Variants in PDC observed in about 807,000 individuals in gnomAD.
PDC encodes the protein 33 kDa phototransducing protein.
A neutral mutation model predicts 22.2 loss-of-function variants in PDC; 19 were observed. The ratio of observed to expected loss-of-function variants is 0.86; its 90% CI spans 0.60 to 1.26. PDC has a LOEUF of 1.26. Ranked by LOEUF, PDC falls within the 50% of genes most tolerant of loss-of-function variation. PDC has a pLI of 0.00. For synonymous variants in PDC, 97 were observed against 96.2 expected, an observed-to-expected ratio of 1.01 and a Z score of -0.05; for missense variants, 274 against 286.8, an observed-to-expected ratio of 0.96 and a Z score of 0.32.
At chr1:186,459,550 T>C (rs1662537665) in intron 1 of PDC, among the ~76,000 whole-genome samples, 1 of 152,112 alleles carries the variant, frequency 6.6e-6, no homozygotes, top group African/African-American at 2.4e-5. Flanking sequence ...TTCCTGTACA[T>C]ATTGTTTGAA....
At chr1:186,455,427 C>G (rs895582637) in intron 1 of PDC, among the ~76,000 whole-genome samples, 1 of 152,136 alleles carries the variant, frequency 6.6e-6, no homozygotes, top group African/African-American at 2.4e-5. Context: ...CTGACTTTTG[C>G]AAAGAATGAC....
intron 2 of PDC, among the ~76,000 whole-genome samples, chr1:186,447,119 A>G (rs1189772196): frequency 6.6e-6 from 1 of 151,842 alleles, no homozygotes; most frequent in Non-Finnish European, 1.5e-5. Flanking sequence ...TTCTAGGCAT[A>G]TTTTGCAAAC....
At chr1:186,453,233 A>T (rs747525324) in intron 1 of PDC, among the ~76,000 whole-genome samples, 4 of 152,208 alleles carry the variant, frequency 2.6e-5, no homozygotes, top group Admixed American at 6.5e-5. Context: ...TTACCAAGAA[A>T]TAAAATGATT....
intron 1 of PDC, among the ~76,000 whole-genome samples, chr1:186,452,164 A>G (rs185861690): frequency 6.6e-6 from 1 of 152,084 alleles, no homozygotes; most frequent in Non-Finnish European, 1.5e-5. Flanking sequence ...CCTGTCACCA[A>G]CTCACTCTGG....
chr1:186,448,565 T>C (rs6672836), intron 2 of PDC: 85,164 of 283,448 alleles, frequency 0.3, 13,989 homozygotes, highest in African/African-American at 0.48. Context: ...CCCTGTCTCC[T>C]ACTTTCCCTC....
At chr1:186,455,221 A>ACCT (rs1330085365) in intron 1 of PDC, among the ~76,000 whole-genome samples, 1 of 152,126 alleles carries the variant, frequency 6.6e-6, no homozygotes, top group East Asian at 1.9e-4. Flanking sequence ...TCTCACTGTG[A>ACCT]CCTCACATGA....
At chr1:186,455,278 G>T (rs1222168223) in intron 1 of PDC, among the ~76,000 whole-genome samples, 1 of 152,056 alleles carries the variant, frequency 6.6e-6, no homozygotes, top group Non-Finnish European at 1.5e-5. Flanking sequence ...AATTCTATGG[G>T]ATCAGAGCCA....
chr1:186,454,168 CTTTTT>C lies in PDC; in HGVS notation c.-24-4690_-24-4686del, dbSNP rs397860509. Among the ~76,000 whole-genome samples, 524 of 94,214 alleles carry C rather than the reference CTTTTT, an allele frequency of 5.6e-3. 4 individuals carry two copies. Among genetic ancestry groups the C allele is most frequent in the African/African-American group, 0.021 (489 of 22,914 alleles). 61.8% of individuals were successfully genotyped at this position (94,214 alleles called of 152,430 possible). ...GTCTGTTTATTTCTTTCTTTTCTTT[CTTTTT>C]TTTTTTTTTTTTTTTTTTGAGACAG... On this transcript the variant is annotated intron_variant, in intron 1 of 3. Transcript: ENST00000391997.
At chr1:186,446,901 G>C (rs979230025) in intron 2 of PDC, among the ~76,000 whole-genome samples, 1 of 151,736 alleles carries the variant, frequency 6.6e-6, no homozygotes, top group East Asian at 1.9e-4. Context: ...CTAGAATTTT[G>C]GAAAAAATAG....
chr1:186,449,171 C>G lies in PDC; in HGVS notation c.61+228G>C, dbSNP rs115948697. Among the ~76,000 whole-genome samples, 1,514 of 152,028 alleles carry G rather than the reference C, an allele frequency of 1.0e-2. 11 individuals are homozygous for G. Among genetic ancestry groups the G allele is most frequent in the Middle Eastern group, 0.051 (15 of 294 alleles). Reference sequence around the variant, plus strand: ...GTGATAGCTGGGCAGCAAGAAATTACCAGTAATTGGTGTTTTTGTTTTTTT... The same window carrying G: ...GTGATAGCTGGGCAGCAAGAAATTAGCAGTAATTGGTGTTTTTGTTTTTTT... On this transcript the variant is annotated intron_variant, in intron 2 of 3. Transcript: ENST00000391997.
Position 186,444,225 on chromosome 1 carries a change from A to T in PDC, c.495T>A (p.Val165=), listed in dbSNP as rs769156175. The change falls in exon 4 of 4, where the codon GTT becomes GTA. Residue 165 remains valine (V), a synonymous_variant. Transcript: ENST00000391997. ...TCGAAGCTTTTATTTTACAAAACTT[A>T]ACTATAGGGTATTCTGCTGCAAGGC... ...LTCLAAEYPI[V]KFCKIKASNT... The T allele has an allele frequency of 3.1e-6, 5 of 1,613,972 alleles. No homozygotes were observed. The African/African-American group carries it at 6.7e-5, about 22-fold the overall frequency.
chr1:186,452,655 A>G (rs1424229262), intron 1 of PDC, among the ~76,000 whole-genome samples: 1 of 152,258 alleles, frequency 6.6e-6, no homozygotes, highest in African/African-American at 2.4e-5. Flanking sequence ...TGTATGCAAT[A>G]TATCAGTCAT....
At chr1:186,457,154 C>T (rs970479056) in intron 1 of PDC, among the ~76,000 whole-genome samples, 5 of 152,222 alleles carry the variant, frequency 3.3e-5, no homozygotes, top group Non-Finnish European at 7.3e-5. Flanking sequence ...CTAATATGCT[C>T]ACCAATACAG....
chr1:186,458,226 C>A, intron 1 of PDC, among the ~76,000 whole-genome samples: 1 of 88,394 alleles, frequency 1.1e-5, no homozygotes, highest in East Asian at 3.5e-4. Context: ...TACAGATATT[C>A]TTTTTTTTTT....
rs200852224 is a variant in PDC, at chr1:186,458,234, T to C, written c.-25+2825A>G. 8.3e-4 allele frequency among the ~76,000 whole-genome samples: 96 copies of C among 116,136 alleles called. No individual in the cohort carries two copies. In the East Asian group the frequency reaches 8.8e-3, roughly 11 times the overall value. The allele number at this position is 116,136 out of a possible 152,430, so 76.2% of individuals were successfully genotyped here. On this transcript the variant is annotated intron_variant, in intron 1 of 3. Transcript: ENST00000391997. ...TATGACATACAGATATTCTTTTTTT[T>C]TTTTTTTTTTTTTTTTTAGAAAGAA...
intron 1 of PDC, among the ~76,000 whole-genome samples, chr1:186,454,413 G>A (rs1392012712): frequency 1.3e-5 from 2 of 151,826 alleles, no homozygotes; most frequent in African/African-American, 4.8e-5. Flanking sequence ...TCCTGACCTT[G>A]CGATCCACCC....
intron 1 of PDC, among the ~76,000 whole-genome samples, chr1:186,458,245 T>C (rs1662509811): frequency 1.3e-5 from 2 of 149,654 alleles, no homozygotes; most frequent in Admixed American, 1.3e-4. Flanking sequence ...TTTTTTTTTT[T>C]TTTTTTAGAA....
At chr1:186,445,931 T>A (rs1285162863) in intron 3 of PDC, among the ~76,000 whole-genome samples, 1 of 152,234 alleles carries the variant, frequency 6.6e-6, no homozygotes. Context: ...AAATTTGACT[T>A]GAAGATGTAT....
At chr1:186,444,706 A>G (rs1662185006) in intron 3 of PDC, among the ~76,000 whole-genome samples, 200 bp from the exon 4 acceptor site, 1 of 152,046 alleles carries the variant, frequency 6.6e-6, no homozygotes, top group African/African-American at 2.4e-5. Context: ...TACTTTACCT[A>G]AAAAGGTCCC....
Sources: gnomAD v4.1 joint callset for allele counts (sites outside exome capture counted in the v4.1 genomes callset) on GRCh38, gnomAD v4.1.1 for gene constraint, MANE v1.5 for transcripts, NCBI Gene and HGNC (gene_info 2026-07-23, HGNC 2026-07-21) for gene names.